Variants in PDE10A observed in about 807,000 individuals in gnomAD.
The protein encoded by PDE10A is cAMP and cAMP-inhibited cGMP 3',5'-cyclic phosphodiesterase 10A.
Under a neutral mutation model 97.7 loss-of-function variants are expected in PDE10A, and 39 were observed. That is an observed-to-expected ratio of 0.40 (90% CI 0.31 to 0.52). PDE10A has a LOEUF of 0.52. Ranked by LOEUF, PDE10A falls within the 20% of genes least tolerant of loss-of-function variation. PDE10A has a pLI of 0.56. For synonymous variants in PDE10A, 371 were observed against 376.8 expected (o/e 0.98, Z 0.18); for missense variants, 731 against 1,047.8 (o/e 0.70, Z 4.17).
intron 1 of PDE10A, among the ~76,000 whole-genome samples, chr6:165,609,222 G>A (rs116802861): frequency 2.0e-5 from 3 of 152,080 alleles, no homozygotes; most frequent in South Asian, 2.1e-4. Context: ...GGTTCTAAAC[G>A]CAATCCAGCA....
intron 1 of PDE10A, among the ~76,000 whole-genome samples, chr6:165,647,689 C>T (rs1184246434): frequency 6.6e-6 from 1 of 152,192 alleles, no homozygotes; most frequent in Non-Finnish European, 1.5e-5. Context: ...CAAAGAAACA[C>T]CTTTCCCAGC....
upstream of PDE10A, among the ~76,000 whole-genome samples, chr6:165,663,497 C>T (rs1177963956): frequency 1.3e-5 from 2 of 152,244 alleles, no homozygotes; most frequent in Non-Finnish European, 2.9e-5. Context: ...GCTGGGCGAG[C>T]CACGTCGGCC....
intron 1 of PDE10A, among the ~76,000 whole-genome samples, chr6:165,886,358 A>G (rs993642266): frequency 1.3e-5 from 2 of 150,806 alleles, no homozygotes; most frequent in African/African-American, 4.9e-5. Flanking sequence ...GAAATCCTCC[A>G]GCCCTGGAAC....
intron 13 of PDE10A, among the ~76,000 whole-genome samples, chr6:165,403,525 C>G (rs187973843): frequency 6.6e-6 from 1 of 152,294 alleles, no homozygotes; most frequent in African/African-American, 2.4e-5. Flanking sequence ...ACTTTGGGAA[C>G]ACTTGAGATA....
intron 2 of PDE10A, among the ~76,000 whole-genome samples, chr6:165,513,925 A>C (rs558074404): frequency 1.3e-4 from 20 of 152,236 alleles, no homozygotes; most frequent in Middle Eastern, 3.4e-3. Context: ...TCCATAAAAG[A>C]TGTTGTGATT....
intron 1 of PDE10A, among the ~76,000 whole-genome samples, chr6:165,904,796 C>T (rs1214830314): frequency 2.0e-5 from 3 of 152,176 alleles, no homozygotes; most frequent in Non-Finnish European, 4.4e-5. Flanking sequence ...TGGAATCTTA[C>T]TCAGAAAGAT....
At chr6:165,395,367 C>A in intron 14 of PDE10A, 103 bp from the exon 15 acceptor site, 1 of 727,652 alleles carries the variant, frequency 1.4e-6, no homozygotes. Context: ...TAAAAAGACA[C>A]TGGGAGCTCA....
chr6:165,481,741 C>CAG lies in PDE10A; in HGVS notation c.1023+573_1023+574insCT, dbSNP rs1554270457. 4.6e-5 allele frequency among the ~76,000 whole-genome samples: 7 copies of CAG among 151,342 alleles called. No individual in the cohort carries two copies. The East Asian group carries it at 1.4e-3, about 30-fold the overall frequency. On this transcript the variant is annotated intron_variant, in intron 3 of 21. Transcript: ENST00000539869. ...CATAGTTTTTAAGCTTGCTAAGACT[C>CAG]TTAACTAGGCCATGAAAACAGTACC... is the stretch of plus-strand genomic sequence containing the variant.
At chr6:165,644,710 C>T (rs1041202451) in intron 1 of PDE10A, among the ~76,000 whole-genome samples, 1 of 152,208 alleles carries the variant, frequency 6.6e-6, no homozygotes, top group African/African-American at 2.4e-5. Context: ...TGAAAACCCC[C>T]GTATGAAATG....
At chr6:165,973,424 A>T (rs1416431924) in intron 1 of PDE10A, among the ~76,000 whole-genome samples, 9 of 145,346 alleles carry the variant, frequency 6.2e-5, no homozygotes, top group Non-Finnish European at 1.0e-4. Flanking sequence ...AAAAAAAAAA[A>T]AAATAAAATA....
At chr6:165,835,322 T>C (rs2128471776) in intron 1 of PDE10A, among the ~76,000 whole-genome samples, 1 of 152,384 alleles carries the variant, frequency 6.6e-6, no homozygotes, top group East Asian at 1.9e-4. Flanking sequence ...TTTATACGGA[T>C]GGGCTTTGGC....
chr6:165,594,066 T>TA, intron 1 of PDE10A, among the ~76,000 whole-genome samples: 1 of 152,336 alleles, frequency 6.6e-6, no homozygotes, highest in South Asian at 2.1e-4. Flanking sequence ...GGAGATAGCA[T>TA]TATAACTCAT....
intron 1 of PDE10A, among the ~76,000 whole-genome samples, chr6:165,772,041 G>A (rs1778026035): frequency 1.3e-5 from 2 of 152,304 alleles, no homozygotes; most frequent in South Asian, 4.1e-4. Context: ...CTTTTGCTGT[G>A]TTTGAAATGC....
rs1047278053 is a variant in PDE10A at position 165,611,688 on chromosome 6, A to G, written c.865+50259T>C. On this transcript the variant is annotated intron_variant, in intron 1 of 21. Transcript: ENST00000539869. Reference sequence around the variant, plus strand: ...CACATTTTCATTTCCTTCAAAACACATAGGAAAATCCTTCATATACACAAA... The same window carrying G: ...CACATTTTCATTTCCTTCAAAACACGTAGGAAAATCCTTCATATACACAAA... Among the ~76,000 whole-genome samples the G allele has an allele frequency of 8.7e-4, 132 of 152,248 alleles. 1 individual carries two copies. Among genetic ancestry groups the G allele is most frequent in the Admixed American group, 8.6e-3 (131 of 15,288 alleles).
At chr6:165,345,466 T>C (rs1030187379) in intron 18 of PDE10A, among the ~76,000 whole-genome samples, 5 of 152,366 alleles carry the variant, frequency 3.3e-5, no homozygotes, top group Non-Finnish European at 5.9e-5. Context: ...GCCATGGCTA[T>C]ACAGAAATAT....
chr6:165,786,396 C>T (rs1020103564), intron 1 of PDE10A, among the ~76,000 whole-genome samples: 4 of 152,212 alleles, frequency 2.6e-5, no homozygotes, highest in African/African-American at 9.6e-5. Context: ...GACACACCAA[C>T]ATTCTTTTCC....
rs1789716088 is a variant in PDE10A at position 165,433,104 on chromosome 6, C to A, written c.1361G>T (p.Gly454Val). ...LGDERFPRGT[G>V]LESGTRIQSV... is the part of the protein sequence containing the mutation. Reference sequence around the variant, plus strand: ...CTGGATACGAGTCCCTGATTCCAGTCCAGTACCTCTTGGAAATCGTTCATC... The same window carrying A: ...CTGGATACGAGTCCCTGATTCCAGTACAGTACCTCTTGGAAATCGTTCATC... Residue 454 changes from glycine to valine, a missense_variant, in exon 7 of 22, where the codon GGA becomes GTA. By Grantham distance (109) the Gly-to-Val change is moderately radical. This residue lies in a region of PDE10A where 152 missense variants were observed against 199.3 expected (regional missense o/e 0.76). Coordinates refer to ENST00000539869, the MANE Select transcript of PDE10A (RefSeq NM_001385079.1). 6.2e-7 allele frequency: 1 copy of A among 1,610,120 alleles called. No homozygotes were observed. The highest frequency in any genetic ancestry group is 2.2e-5 in the East Asian group (1 of 44,848).
In PDE10A at chr6:165,663,216, G is replaced by A. The variant is rs976427061; in HGVS notation, c.-405C>T. Among the ~76,000 whole-genome samples the A allele has an allele frequency of 6.6e-6, 1 of 151,776 alleles. No homozygotes were observed. The highest frequency in any genetic ancestry group is 1.5e-5 in the Non-Finnish European group (1 of 67,896). Reference sequence around the variant, plus strand: ...TGCCGCTGCCCGTGGAGGCGGTGGTGGCGGCGGCGGCAGAAGACGCCCACT... The same window carrying A: ...TGCCGCTGCCCGTGGAGGCGGTGGTAGCGGCGGCGGCAGAAGACGCCCACT... On this transcript the variant is annotated 5_prime_UTR_variant, in exon 1 of 22. Transcript: ENST00000539869.
chr6:165,961,950 A>T (rs1036880198), intron 1 of PDE10A, among the ~76,000 whole-genome samples: 25 of 152,220 alleles, frequency 1.6e-4, no homozygotes, highest in African/African-American at 5.5e-4. Flanking sequence ...TTTGTGGAGC[A>T]TTATTTGCCA....
Sources: allele counts gnomAD v4.1 joint callset (sites outside exome capture counted in the v4.1 genomes callset), GRCh38; gene constraint gnomAD v4.1.1; regional missense constraint gnomAD v4.1.1; transcripts MANE v1.5; gene names NCBI Gene and HGNC (gene_info 2026-07-23, HGNC 2026-07-21).